Variants in RGS22 observed in about 807,000 individuals in gnomAD.
The protein encoded by RGS22 is regulator of G protein signaling 22.
RGS22 carries 148 observed loss-of-function variants against 172.9 expected under a neutral mutation model. The observed-to-expected ratio is 0.86, with a 90% CI of 0.75 to 0.98. RGS22 has a LOEUF of 0.98. Among genes scored for constraint, RGS22 ranks in the 50% least tolerant of loss-of-function variants. RGS22 has a pLI of 0.00. For synonymous variants in RGS22, 458 were observed against 480.2 expected (o/e 0.95, Z 0.60); for missense variants, 1,347 against 1,440.8 (o/e 0.93, Z 1.05).
chr8:100,071,899 G>C (rs1480899435), intron 5 of RGS22, among the ~76,000 whole-genome samples: 1 of 152,160 alleles, frequency 6.6e-6, no homozygotes, highest in Non-Finnish European at 1.5e-5. Context: ...ATCACCAATA[G>C]ATAATTTTTA....
rs765556442 is a variant in RGS22 at position 100,041,835 on chromosome 8, C to T, written c.1905G>A (p.Leu635=). The T allele has an allele frequency of 1.9e-6, 3 of 1,612,462 alleles. No homozygotes were observed. Among genetic ancestry groups the T allele is most frequent in the South Asian group, 2.2e-5 (2 of 91,028 alleles). The change falls in exon 12 of 28, where the codon CTG becomes CTA. Residue 635 remains leucine (L), a synonymous_variant. Transcript: ENST00000360863. The part of the protein sequence containing the change: ...TDISECLKPQ[L]DRRYAYTEEP... Reference sequence around the variant, plus strand: ...CTTCTGTATAAGCGTATCTTCTATCCAGCTGGGGCTTGAGACATTCAGAAA... The same window carrying T: ...CTTCTGTATAAGCGTATCTTCTATCTAGCTGGGGCTTGAGACATTCAGAAA...
chr8:100,045,506 A>G (rs1056868499), intron 11 of RGS22, among the ~76,000 whole-genome samples: 1 of 152,156 alleles, frequency 6.6e-6, no homozygotes, highest in Admixed American at 6.5e-5. Context: ...AACTTCAGTC[A>G]AAAGAAATAC....
chr8:100,048,035 G>A (rs913740000), intron 10 of RGS22, among the ~76,000 whole-genome samples: 1 of 151,820 alleles, frequency 6.6e-6, no homozygotes, highest in Non-Finnish European at 1.5e-5. Context: ...CACATAAGAA[G>A]GGCTCTATAT....
At chr8:100,067,761 A>C (rs1810642948) in intron 6 of RGS22, among the ~76,000 whole-genome samples, 1 of 150,844 alleles carries the variant, frequency 6.6e-6, no homozygotes. Flanking sequence ...AGTAGCTGGG[A>C]TTACAGGCGC....
intron 3 of RGS22, among the ~76,000 whole-genome samples, chr8:100,085,842 A>G (rs1812117943): frequency 6.6e-6 from 1 of 152,208 alleles, no homozygotes; most frequent in Admixed American, 6.5e-5. Context: ...ATCACTCTTC[A>G]TGTCACTCTT....
At chr8:100,029,643 C>A (rs772794017) in intron 14 of RGS22, among the ~76,000 whole-genome samples, 1 of 135,958 alleles carries the variant, frequency 7.4e-6, no homozygotes, top group Non-Finnish European at 1.5e-5. Flanking sequence ...GCAGAGATTG[C>A]AGTGAGCCAA....
At chr8:100,046,377 G>C (rs1034260455) in intron 11 of RGS22, 4 of 151,598 alleles carry the variant, frequency 2.6e-5, no homozygotes, top group Non-Finnish European at 5.9e-5. Flanking sequence ...CAGCTTTTCT[G>C]TCAACTCATG....
intron 20 of RGS22, among the ~76,000 whole-genome samples, chr8:99,991,451 C>A (rs956781376): frequency 6.6e-5 from 10 of 152,102 alleles, no homozygotes; most frequent in African/African-American, 2.4e-4. Context: ...AACCATGGCA[C>A]GAGAACTTCG....
chr8:100,080,018 T>C, intron 4 of RGS22, 116 bp downstream of exon 4: 1 of 734,132 alleles, frequency 1.4e-6, no homozygotes, highest in Non-Finnish European at 2.3e-6. Flanking sequence ...TATGTGTACG[T>C]ACAACACAAG....
intron 6 of RGS22, among the ~76,000 whole-genome samples, chr8:100,070,323 T>C (rs894412607): frequency 6.6e-6 from 1 of 152,068 alleles, no homozygotes; most frequent in African/African-American, 2.4e-5. Context: ...AAATGTTAAA[T>C]AGAAAAAATT....
chr8:99,997,546 A>G (rs1563592818), intron 19 of RGS22, among the ~76,000 whole-genome samples: 1 of 152,188 alleles, frequency 6.6e-6, no homozygotes, highest in African/African-American at 2.4e-5. Flanking sequence ...GCTCAGCTCA[A>G]ATGACTAAGG....
chr8:100,039,994 A>G lies in RGS22; in HGVS notation c.2032T>C (p.Phe678Leu), dbSNP rs1280878923. 1.3e-6 allele frequency: 2 copies of G among 1,593,188 alleles called. No homozygotes were observed. Among genetic ancestry groups the G allele is most frequent in the East Asian group, 2.3e-5 (1 of 43,682 alleles). ...LYVENRAGFF[F>L]TKFCEHSGNK... Reference sequence around the variant, plus strand: ...CCTGAATGCTCGCAGAATTTAGTAAAGAAGAATCCAGCTCTATTTTCTACA... The same window carrying G: ...CCTGAATGCTCGCAGAATTTAGTAAGGAAGAATCCAGCTCTATTTTCTACA... The change falls in exon 13 of 28, where the codon TTT becomes CTT. Residue 678 changes from phenylalanine to leucine, a missense_variant. By Grantham distance (22) the Phe-to-Leu change is conservative. Transcript: ENST00000360863.
Position 100,001,235 on chromosome 8 carries a change from CAT to C in RGS22, c.2790+965_2790+966del, listed in dbSNP as rs1491481093. On this transcript the variant is annotated intron_variant, in intron 18 of 27. Transcript: ENST00000360863. ...ATATATATATACATATATATATATA[CAT>C]TTTTTTTTTTTTTGAGACACAGTCT... Among the ~76,000 whole-genome samples, 10 of 52,064 alleles carry C rather than the reference CAT, an allele frequency of 1.9e-4. No individual in the cohort carries two copies. The East Asian group carries it at 2.3e-3, about 12-fold the overall frequency. 34.2% of individuals were successfully genotyped at this position (52,064 alleles called of 152,430 possible).
At chr8:100,076,010 T>C (rs562778317) in intron 4 of RGS22, among the ~76,000 whole-genome samples, 1 of 152,364 alleles carries the variant, frequency 6.6e-6, no homozygotes, top group East Asian at 1.9e-4. Context: ...CATGTGCTTA[T>C]TGTTTATCTT....
chr8:100,002,327 G>T lies in RGS22; in HGVS notation c.2665C>A (p.Arg889=). ...TTTCGATCTCTGTAAGTTATTCTCC[G>T]GAACTGCTCAATGTCTGTCCAGCAC... is the stretch of plus-strand genomic sequence containing the variant. ...LMCWTDIEQF[R]RITYRDRNQR... The change falls in exon 18 of 28, where the codon CGG becomes AGG. Residue 889 remains arginine (R), a synonymous_variant. Coordinates refer to ENST00000360863, the MANE Select transcript of RGS22 (RefSeq NM_015668.5). The T allele has an allele frequency of 2.5e-6, 4 of 1,610,872 alleles. No individual in the cohort carries two copies. In the South Asian group the frequency reaches 3.3e-5, roughly 13 times the overall value.
chr8:100,072,138 A>G lies in RGS22; in HGVS notation c.425+7T>C. 6.5e-7 allele frequency: 1 copy of G among 1,538,188 alleles called. No homozygotes were observed. Among genetic ancestry groups the G allele is most frequent in the Non-Finnish European group, 8.9e-7 (1 of 1,120,340 alleles). ...TAAAAATACATATATTGATGGGACT[A>G]TAGTACCTGTATTCAAAGTAACAAT... On this transcript the variant is annotated splice_region_variant and intron_variant, in intron 5 of 27. Coordinates refer to ENST00000360863, the MANE Select transcript of RGS22 (RefSeq NM_015668.5).
At chr8:99,966,865 C>T (rs182872065) in intron 23 of RGS22, among the ~76,000 whole-genome samples, 1,916 of 152,320 alleles carry the variant, frequency 0.013, 22 homozygotes, top group Non-Finnish European at 0.02. Flanking sequence ...TGCCTTCTAT[C>T]CCCAGCCCCT....
intron 9 of RGS22, among the ~76,000 whole-genome samples, chr8:100,056,404 G>A (rs555116374): frequency 6.6e-6 from 1 of 152,328 alleles, no homozygotes; most frequent in African/African-American, 2.4e-5. Context: ...TGAGCCAAAT[G>A]TTAATCGCCA....
intron 18 of RGS22, among the ~76,000 whole-genome samples, chr8:100,001,203 T>TATATATATATATATATAC (rs1491550850): frequency 6.0e-3 from 53 of 8,784 alleles, no homozygotes; most frequent in East Asian, 0.035. Flanking sequence ...CCCAATTTTT[T>TATATATATATATATATAC]ATATATATAT....
Sources: gnomAD v4.1 joint callset for allele counts (sites outside exome capture counted in the v4.1 genomes callset) on GRCh38, gnomAD v4.1.1 for gene constraint, MANE v1.5 for transcripts, NCBI Gene and HGNC (gene_info 2026-07-23, HGNC 2026-07-21) for gene names.